The following ACCSL variants were observed in gnomAD, a reference collection of about 807,000 sequenced individuals.
ACCSL encodes 1-aminocyclopropane-1-carboxylate synthase homolog (inactive) like, also known as probable inactive 1-aminocyclopropane-1-carboxylate synthase-like protein 2.
Under a neutral mutation model 61.7 loss-of-function variants are expected in ACCSL, and 55 were observed. The ratio of observed to expected loss-of-function variants is 0.89; its 90% CI spans 0.72 to 1.12. The LOEUF (loss-of-function observed/expected upper bound fraction) is 1.12, where lower values mean the gene tolerates loss of function less well. Ranked by LOEUF, ACCSL falls within the 50% of genes most tolerant of loss-of-function variation. The pLI is 0.00. For missense variants in ACCSL, 632 were observed against 698.0 expected, an observed-to-expected ratio of 0.91 and a Z score of 1.07; for synonymous variants, 258 against 264.3, an observed-to-expected ratio of 0.98 and a Z score of 0.23.
At chr11:44,001,264 G>C in the ACCSL span, 1 of 151,728 alleles carries the variant, frequency 6.6e-6, no homozygotes, top group African/African-American at 2.4e-5. Context: ...AACAATACTC[G>C]TTATTTGTAC....
At chr11:43,990,183 C>T in the ACCSL span, among the ~76,000 whole-genome samples, 1 of 152,226 alleles carries the variant, frequency 6.6e-6, no homozygotes, top group African/African-American at 2.4e-5. Flanking sequence ...CTACCTACTT[C>T]ATTGGTTTGT....
At chr11:44,037,826 G>A in the ACCSL span, among the ~76,000 whole-genome samples, 1 of 152,074 alleles carries the variant, frequency 6.6e-6, no homozygotes. Context: ...GACCAGAAGG[G>A]GGCCCAGACC....
chr11:43,980,540 T>A, the ACCSL span, among the ~76,000 whole-genome samples: 1 of 152,234 alleles, frequency 6.6e-6, no homozygotes, highest in Non-Finnish European at 1.5e-5. Context: ...CTTTAATATG[T>A]TTATTGGGTG....
the ACCSL span, among the ~76,000 whole-genome samples, chr11:43,987,467 G>C: frequency 1.3e-5 from 2 of 152,098 alleles, no homozygotes; most frequent in African/African-American, 4.8e-5. Context: ...TCAGAGCCTA[G>C]GGAAGCCCCA....
chr11:43,996,817 T>C, the ACCSL span, among the ~76,000 whole-genome samples: 1 of 142,322 alleles, frequency 7.0e-6, no homozygotes, highest in Admixed American at 7.0e-5. Context: ...TTTTTCCTTT[T>C]TTTTTTTTTT....
the ACCSL span, among the ~76,000 whole-genome samples, chr11:43,953,736 A>G: frequency 1.3e-5 from 2 of 152,180 alleles, no homozygotes; most frequent in Non-Finnish European, 2.9e-5. Context: ...AAAGGGGAGA[A>G]GCCCTGAACT....
chr11:43,952,833 T>C, the ACCSL span, among the ~76,000 whole-genome samples: 2 of 152,076 alleles, frequency 1.3e-5, no homozygotes, highest in Non-Finnish European at 2.9e-5. Flanking sequence ...GCCAGAGCAT[T>C]TAATAGTCAC....
At chr11:44,031,426 G>A in the ACCSL span, among the ~76,000 whole-genome samples, 32 of 152,230 alleles carry the variant, frequency 2.1e-4, no homozygotes, top group African/African-American at 7.5e-4. Context: ...GAAGATGCTC[G>A]TTTTTCCTAG....
chr11:43,955,043 A>C, the ACCSL span, among the ~76,000 whole-genome samples: 1 of 152,174 alleles, frequency 6.6e-6, no homozygotes, highest in African/African-American at 2.4e-5. Context: ...TGCTTTTGTT[A>C]AAAGGGAAAT....
At chr11:43,960,216 T>C in the ACCSL span, among the ~76,000 whole-genome samples, 1 of 152,182 alleles carries the variant, frequency 6.6e-6, no homozygotes, top group Admixed American at 6.5e-5. Context: ...GTTCTGAGGT[T>C]TATCAATTAG....
the ACCSL span, among the ~76,000 whole-genome samples, chr11:44,004,335 C>T: frequency 2.0e-5 from 3 of 152,008 alleles, no homozygotes; most frequent in African/African-American, 7.3e-5. Context: ...GGTGTTTGCT[C>T]ACCCCCGCAT....
At chr11:44,055,925 C>T in intron 9 of ACCSL, 115 bp from the exon 10 acceptor site, 4 of 1,173,270 alleles carry the variant, frequency 3.4e-6, no homozygotes, top group East Asian at 2.5e-5. Flanking sequence ...GAGCTTTGGG[C>T]CCTATAGGCC....
At chr11:44,022,445 G>A in the ACCSL span, among the ~76,000 whole-genome samples, 10 of 152,092 alleles carry the variant, frequency 6.6e-5, no homozygotes, top group African/African-American at 1.9e-4. Flanking sequence ...CAGTGCTACC[G>A]ATTTGTGTAC....
At chr11:43,942,477 G>A in the ACCSL span, 1 of 214,770 alleles carries the variant, frequency 4.7e-6, no homozygotes, top group Non-Finnish European at 9.7e-6. Context: ...GGGGCGGGCG[G>A]CGCCGGGGAA....
the ACCSL span, among the ~76,000 whole-genome samples, chr11:43,935,767 G>A: frequency 0.53 from 80,662 of 152,068 alleles, 21,860 homozygotes; most frequent in Admixed American, 0.61. Flanking sequence ...AACTGGGACT[G>A]CAGACATGCG....
chr11:43,944,704 C>T, the ACCSL span: 1 of 152,388 alleles, frequency 6.6e-6, no homozygotes, highest in Non-Finnish European at 1.5e-5. Context: ...TTCCAGTGCT[C>T]TTCAGCCACT....
At chr11:43,930,105 C>A in the ACCSL span, among the ~76,000 whole-genome samples, 1 of 152,182 alleles carries the variant, frequency 6.6e-6, no homozygotes, top group Admixed American at 6.5e-5. Context: ...CAGTCAGAGG[C>A]AGGGCCGGAT....
At chr11:44,022,948 G>T in the ACCSL span, among the ~76,000 whole-genome samples, 1 of 151,552 alleles carries the variant, frequency 6.6e-6, no homozygotes, top group East Asian at 1.9e-4. Context: ...AAGAATTTTG[G>T]GCCTATGCTT....
chr11:44,031,633 AGGATGGG>A, the ACCSL span, among the ~76,000 whole-genome samples: 1 of 152,198 alleles, frequency 6.6e-6, no homozygotes, highest in Non-Finnish European at 1.5e-5. Context: ...AGAAGACAGA[AGGATGGG>A]GATTGAGGTA....
Sources: gnomAD v4.1 joint callset for allele counts (sites outside exome capture counted in the v4.1 genomes callset) on GRCh38, gnomAD v4.1.1 for gene constraint, MANE v1.5 for transcripts, NCBI Gene and HGNC (gene_info 2026-07-23, HGNC 2026-07-21) for gene names.